The following LAMC1 variants were observed in gnomAD, a reference collection of about 807,000 sequenced individuals.
The protein encoded by LAMC1 is laminin subunit gamma-1.
In LAMC1, 38 loss-of-function variants were observed where a neutral mutation model predicts 173.6. The ratio of observed to expected loss-of-function variants is 0.22; its 90% CI spans 0.17 to 0.29. The LOEUF is 0.29. Among genes scored for constraint, LAMC1 ranks in the 10% least tolerant of loss-of-function variants. The pLI is 1.00. For missense variants in LAMC1, 1,824 were observed against 2,051.8 expected (o/e 0.89, Z 2.14); for synonymous variants, 746 against 749.1 (o/e 1.00, Z 0.07).
At chr1:183,076,160 C>T (rs764951658) in intron 1 of LAMC1, among the ~76,000 whole-genome samples, 1 of 152,136 alleles carries the variant, frequency 6.6e-6, no homozygotes, top group Admixed American at 6.5e-5. Context: ...TTAGCAATTC[C>T]TTTCCAACAG....
intron 1 of LAMC1, among the ~76,000 whole-genome samples, chr1:183,033,848 C>A (rs1398117279): frequency 6.6e-6 from 1 of 152,098 alleles, no homozygotes; most frequent in African/African-American, 2.4e-5. Context: ...CACACACCAC[C>A]ATGCCCTGCT....
At chr1:183,071,863 A>G (rs1655019834) in intron 1 of LAMC1, among the ~76,000 whole-genome samples, 1 of 152,184 alleles carries the variant, frequency 6.6e-6, no homozygotes, top group Admixed American at 6.5e-5. Context: ...ACACATGGAA[A>G]ACAAGGTTAT....
In LAMC1 at chr1:183,140,418, T is replaced by C; in HGVS notation, c.4488T>C (p.Ala1496=). 1 of 1,612,504 alleles carries C rather than the reference T, an allele frequency of 6.2e-7. No individual in the cohort carries two copies. Among genetic ancestry groups the C allele is most frequent in the Non-Finnish European group, 8.5e-7 (1 of 1,179,100 alleles). Residue 1496 remains alanine, a synonymous_variant, in exon 27 of 28, where the codon GCT becomes GCC. Transcript: ENST00000258341. The part of the protein sequence containing the change: ...MMMAGMASQA[A]QEAEINARKA... ...TTCCCTTACAGGCTTCACAGGCTGCTCAAGAAGCCGAGATCAATGCCAGAA... is the reference window on the plus strand; with the variant it reads ...TTCCCTTACAGGCTTCACAGGCTGCCCAAGAAGCCGAGATCAATGCCAGAA...
chr1:183,024,946 CAT>C (rs1317383028), intron 1 of LAMC1, among the ~76,000 whole-genome samples: 12 of 152,196 alleles, frequency 7.9e-5, no homozygotes, highest in Admixed American at 2.6e-4. Flanking sequence ...TGAGGATGGA[CAT>C]ATGTATCTGG....
Position 183,144,734 on chromosome 1 carries a change from T to C in LAMC1, c.*1944T>C, listed in dbSNP as rs913093888. ...GAGGGAGAAATGCCCTTTCTGGCAA[T>C]TGTTGGAGCTGGATAGGTAAGTTTT... On this transcript the variant is annotated 3_prime_UTR_variant, in exon 28 of 28. Coordinates refer to ENST00000258341, the MANE Select transcript of LAMC1 (RefSeq NM_002293.4). 2.0e-5 allele frequency: 3 copies of C among 152,220 alleles called. No individual in the cohort carries two copies. The highest frequency in any genetic ancestry group is 4.4e-5 in the Non-Finnish European group (3 of 68,082). 9.4% of individuals were successfully genotyped at this position (152,220 alleles called of 1,614,324 possible).
chr1:183,126,172 G>C lies in LAMC1; in HGVS notation c.2854G>C (p.Gly952Arg). The change falls in exon 16 of 28, where the codon GGC becomes CGC. Residue 952 changes from glycine to arginine, a missense_variant. Transcript: ENST00000258341. ...CAATGGGCAGTGTGACATCCGCACC[G>C]GCCAGTGTGAGTGCCAGCCCGGCAT... ...STNGQCDIRTGQCECQPGITG... is the reference protein window; with the variant it reads ...STNGQCDIRTRQCECQPGITG... 6.2e-7 allele frequency: 1 copy of C among 1,614,192 alleles called. No homozygotes were observed. The highest frequency in any genetic ancestry group is 1.1e-5 in the South Asian group (1 of 91,090).
chr1:183,139,236 G>C (rs1446397494), intron 26 of LAMC1, among the ~76,000 whole-genome samples: 1 of 152,106 alleles, frequency 6.6e-6, no homozygotes, highest in Non-Finnish European at 1.5e-5. Flanking sequence ...TTATTATTTT[G>C]GTAAATAACT....
rs34723564 is a variant in LAMC1, at chr1:183,054,988, C to CT, written c.418+30871dup. On this transcript the variant is annotated intron_variant, in intron 1 of 27. Coordinates refer to ENST00000258341, the MANE Select transcript of LAMC1 (RefSeq NM_002293.4). ...TTTGATTAGTGAGAACTTTGTGCATCTTTTTTTTTTTTTTTTTGAGATGGA... is the reference window on the plus strand; with the variant it reads ...TTTGATTAGTGAGAACTTTGTGCATCTTTTTTTTTTTTTTTTTTGAGATGGA... Among the ~76,000 whole-genome samples, 186 of 130,786 alleles carry CT rather than the reference C, an allele frequency of 1.4e-3. 1 individual carries two copies. The highest frequency in any genetic ancestry group is 2.3e-3 in the African/African-American group (85 of 36,174). 85.8% of individuals were successfully genotyped at this position (130,786 alleles called of 152,430 possible). A position where few individuals can be genotyped will look rare whatever the true frequency, so the allele number is the denominator to read the frequency against.
intron 26 of LAMC1, among the ~76,000 whole-genome samples, chr1:183,139,959 G>C (rs921158819): frequency 6.6e-6 from 1 of 152,102 alleles, no homozygotes; most frequent in African/African-American, 2.4e-5. Context: ...AATTTTCAAA[G>C]AATAGGACAT....
At chr1:183,081,214 T>C (rs1287759308) in intron 1 of LAMC1, among the ~76,000 whole-genome samples, 1 of 152,174 alleles carries the variant, frequency 6.6e-6, no homozygotes, top group Non-Finnish European at 1.5e-5. Context: ...TACTTTTGAA[T>C]GTAAACTGCC....
In LAMC1 at chr1:183,114,393, G is replaced by A; in HGVS notation, c.1022-138G>A. On this transcript the variant is annotated intron_variant, in intron 4 of 27. Transcript: ENST00000258341. ...ACCTTCTTGTTGTTGTTAATGAACA[G>A]TGCATCTGGTAATCATTCTTAGTCT... is the stretch of plus-strand genomic sequence containing the variant. 4 of 870,174 alleles carry A rather than the reference G, an allele frequency of 4.6e-6. No individual in the cohort carries two copies. In the South Asian group the frequency reaches 5.6e-5, roughly 12 times the overall value. 53.9% of individuals were successfully genotyped at this position (870,174 alleles called of 1,614,324 possible). A position where few individuals can be genotyped will look rare whatever the true frequency, so the allele number is the denominator to read the frequency against.
intron 1 of LAMC1, among the ~76,000 whole-genome samples, chr1:183,077,555 C>G (rs1381264127): frequency 6.6e-6 from 1 of 152,040 alleles, no homozygotes; most frequent in East Asian, 1.9e-4. Flanking sequence ...CCTTGCCCCC[C>G]TCCCATCCTT....
chr1:183,024,158 C>G (rs1218898214), intron 1 of LAMC1, 24 bp downstream of exon 1: 5 of 1,520,702 alleles, frequency 3.3e-6, no homozygotes, highest in Non-Finnish European at 4.4e-6. Context: ...GCCCCGTCCC[C>G]TGCTACTGCT....
intron 4 of LAMC1, among the ~76,000 whole-genome samples, chr1:183,113,786 C>A (rs192095336): frequency 6.6e-6 from 1 of 152,166 alleles, no homozygotes; most frequent in Non-Finnish European, 1.5e-5. Context: ...GTATTTGACT[C>A]ATCTGAGGCC....
chr1:183,092,249 C>G (rs1655583553), intron 1 of LAMC1, among the ~76,000 whole-genome samples: 1 of 152,086 alleles, frequency 6.6e-6, no homozygotes, highest in Non-Finnish European at 1.5e-5. Flanking sequence ...CCACAGAAGC[C>G]TTTTGTTAGA....
chr1:183,120,328 A>G (rs1656437412), intron 11 of LAMC1, among the ~76,000 whole-genome samples: 1 of 152,178 alleles, frequency 6.6e-6, no homozygotes, highest in Non-Finnish European at 1.5e-5. Flanking sequence ...GGGAGTAGGA[A>G]CAAGATTGAA....
intron 19 of LAMC1, among the ~76,000 whole-genome samples, chr1:183,130,863 A>T (rs972917883): frequency 2.6e-5 from 4 of 152,192 alleles, no homozygotes; most frequent in Admixed American, 2.6e-4. Context: ...TTAAATAAAG[A>T]TCTCTGAAAA....
At chr1:183,035,512 T>C (rs1653957520) in intron 1 of LAMC1, among the ~76,000 whole-genome samples, 1 of 152,180 alleles carries the variant, frequency 6.6e-6, no homozygotes, top group African/African-American at 2.4e-5. Context: ...TGGAAGAATT[T>C]TAGGTTTTGG....
Position 183,125,507 on chromosome 1 carries a change from G to A in LAMC1, c.2758G>A (p.Asp920Asn). ...GACTGGCCAGGACTGTGGTGCTTGT[G>A]ACCCTGGATTCTACAATCTGCAGAG... ...HVTGQDCGAC[D>N]PGFYNLQSGQ... Residue 920 changes from aspartate (D) to asparagine (N), a missense_variant, in exon 15 of 28, where the codon GAC (aspartate) becomes AAC (asparagine). Transcript: ENST00000258341. The A allele has an allele frequency of 6.2e-7, 1 of 1,612,930 alleles. No homozygotes were observed. The highest frequency in any genetic ancestry group is 8.5e-7 in the Non-Finnish European group (1 of 1,179,392).
Sources: allele counts gnomAD v4.1 joint callset (sites outside exome capture counted in the v4.1 genomes callset), GRCh38; gene constraint gnomAD v4.1.1; transcripts MANE v1.5; gene names NCBI Gene and HGNC (gene_info 2026-07-23, HGNC 2026-07-21).